LYPD6B: variants seen among roughly 807,000 people sequenced by gnomAD.
LYPD6B encodes LY6/PLAUR domain containing 6B, also known as ly6/PLAUR domain-containing protein 6B.
LYPD6B carries 17 observed loss-of-function variants against 22.8 expected under a neutral mutation model. The ratio of observed to expected loss-of-function variants is 0.75; its 90% CI spans 0.51 to 1.12. The LOEUF (loss-of-function observed/expected upper bound fraction) is 1.12, where lower values mean the gene tolerates loss of function less well. Ranked by LOEUF, LYPD6B falls within the 50% of genes most tolerant of loss-of-function variation. The probability of loss-of-function intolerance (pLI) is 0.00; values close to 1 mark genes in which losing one functional copy is unlikely to be tolerated. For synonymous variants in LYPD6B, 106 were observed against 91.6 expected (o/e 1.16, Z -0.90); for missense variants, 221 against 258.3 (o/e 0.86, Z 0.99).
At chr2:149,201,606 AATAGAT>A (rs576245757) in intron 3 of LYPD6B, among the ~76,000 whole-genome samples, 318 of 152,334 alleles carry the variant, frequency 2.1e-3, no homozygotes, top group African/African-American at 7.4e-3. Flanking sequence ...CACACTGAAG[AATAGAT>A]ATAGATAGAT....
At chr2:149,143,797 A>G (rs1688846046) in intron 2 of LYPD6B, 1 of 152,236 alleles carries the variant, frequency 6.6e-6, no homozygotes, top group Non-Finnish European at 1.5e-5. Flanking sequence ...TTTTAATATT[A>G]CTTTTAAAAG....
intron 2 of LYPD6B, among the ~76,000 whole-genome samples, chr2:149,132,497 GC>G (rs1688092842): frequency 6.6e-6 from 1 of 151,874 alleles, no homozygotes; most frequent in Non-Finnish European, 1.5e-5. Context: ...TGGGTGTGGG[GC>G]CAAAGCCCAA....
At chr2:149,163,858 G>A (rs1690250224) in intron 3 of LYPD6B, among the ~76,000 whole-genome samples, 2 of 152,196 alleles carry the variant, frequency 1.3e-5, no homozygotes, top group Non-Finnish European at 2.9e-5. Context: ...ACAACAGGCA[G>A]ATTAACAGGA....
chr2:149,107,276 T>C (rs1377738182), intron 1 of LYPD6B, among the ~76,000 whole-genome samples: 2 of 152,198 alleles, frequency 1.3e-5, no homozygotes, highest in African/African-American at 2.4e-5. Context: ...ACAGGTAGTA[T>C]ACACAGTGTG....
At chr2:149,142,344 TG>T (rs1688747746) in intron 2 of LYPD6B, 1 of 152,204 alleles carries the variant, frequency 6.6e-6, no homozygotes, top group Non-Finnish European at 1.5e-5. Flanking sequence ...AGAAGACCCA[TG>T]GAGCACCCAT....
intron 2 of LYPD6B, among the ~76,000 whole-genome samples, chr2:149,149,758 C>A (rs533589179): frequency 6.6e-6 from 1 of 152,128 alleles, no homozygotes; most frequent in Admixed American, 6.5e-5. Flanking sequence ...TCCTTCATAT[C>A]GTCTATCCTC....
At position 149,160,804 on chromosome 2, in the gene LYPD6B, A is replaced by G. The variant is rs371849919; in HGVS notation, c.46A>G (p.Arg16Gly). 6 of 1,556,166 alleles carry G rather than the reference A, an allele frequency of 3.9e-6. No homozygotes were observed. The African/African-American group carries it at 6.8e-5, about 18-fold the overall frequency. ...LSANLFTVPERSLTTTFSFSR... is the reference protein window; with the variant it reads ...LSANLFTVPEGSLTTTFSFSR... ...TGCAAACCTTTTCACTGTTCCAGAG[A>G]GGAGCCTGACAACCACATTCTCCTT... Residue 16 changes from arginine to glycine, a missense_variant, in exon 3 of 7, where the codon AGG becomes GGG. Arg to Gly is a moderately radical substitution (Grantham distance 125). Transcript: ENST00000409642.
At position 149,182,646 on chromosome 2, in the gene LYPD6B, T is replaced by G. The variant is rs532818274; in HGVS notation, c.77+21811T>G. ...TGAGTCCAGCTGTCAGTCCCTTGAA[T>G]CAGCACTGCCTCTCTAAAGCTCTGT... On this transcript the variant is annotated intron_variant, in intron 3 of 6. Coordinates refer to ENST00000409642, the MANE Select transcript of LYPD6B (RefSeq NM_177964.5). 2.0e-5 allele frequency among the ~76,000 whole-genome samples: 3 copies of G among 152,290 alleles called. No individual in the cohort carries two copies. In the South Asian group the frequency reaches 6.2e-4, roughly 32 times the overall value.
At chr2:149,129,783 G>C (rs1308916441) in intron 1 of LYPD6B, among the ~76,000 whole-genome samples, 3 of 152,234 alleles carry the variant, frequency 2.0e-5, no homozygotes, top group Admixed American at 2.0e-4. Flanking sequence ...GCAGAGCAGA[G>C]AGCCTGTGTA....
intron 1 of LYPD6B, among the ~76,000 whole-genome samples, chr2:149,050,433 A>C (rs926428839): frequency 4.6e-5 from 7 of 152,198 alleles, no homozygotes; most frequent in African/African-American, 1.7e-4. Context: ...CAGATATTAC[A>C]TCATTGGTAT....
At chr2:149,109,109 T>A (rs1346605904) in intron 1 of LYPD6B, among the ~76,000 whole-genome samples, 1 of 152,194 alleles carries the variant, frequency 6.6e-6, no homozygotes, top group African/African-American at 2.4e-5. Context: ...TATTACGCAT[T>A]TATCTATGTG....
chr2:149,058,112 G>A (rs751239048), intron 1 of LYPD6B, among the ~76,000 whole-genome samples: 1 of 152,180 alleles, frequency 6.6e-6, no homozygotes, highest in African/African-American at 2.4e-5. Flanking sequence ...CCTTGGATGA[G>A]TTACCTTGGA....
intron 1 of LYPD6B, among the ~76,000 whole-genome samples, chr2:149,041,318 C>G (rs1481871951): frequency 6.6e-6 from 1 of 152,204 alleles, no homozygotes; most frequent in Non-Finnish European, 1.5e-5. Flanking sequence ...AGAGCTCCAT[C>G]ATGCCTTCAC....
chr2:149,196,148 A>G (rs1053078339), intron 3 of LYPD6B, among the ~76,000 whole-genome samples: 2 of 152,232 alleles, frequency 1.3e-5, no homozygotes, highest in African/African-American at 4.8e-5. Context: ...ATCTTTATAT[A>G]TGTACATTTC....
chr2:149,124,590 C>G (rs1687579523), intron 1 of LYPD6B, among the ~76,000 whole-genome samples: 1 of 152,260 alleles, frequency 6.6e-6, no homozygotes, highest in Admixed American at 6.5e-5. Context: ...GTTGCATTAG[C>G]CGGGCAACTA....
intron 3 of LYPD6B, among the ~76,000 whole-genome samples, chr2:149,162,358 T>A (rs934891868): frequency 3.3e-5 from 5 of 152,182 alleles, no homozygotes; most frequent in Non-Finnish European, 7.3e-5. Flanking sequence ...TTGAGGAAAC[T>A]GAGGCTTACC....
At chr2:149,191,076 C>T (rs549146852) in intron 3 of LYPD6B, among the ~76,000 whole-genome samples, 2 of 152,110 alleles carry the variant, frequency 1.3e-5, no homozygotes, top group South Asian at 4.2e-4. Context: ...ACAATAGACC[C>T]CAGCTACCCA....
rs779946493 is a variant in LYPD6B at position 149,214,500 on chromosome 2, CT to C, written c.460-45del. The C allele has an allele frequency of 3.8e-6, 6 of 1,585,598 alleles. No individual in the cohort carries two copies. The East Asian group carries it at 1.1e-4, about 30-fold the overall frequency. The stretch of plus-strand genomic sequence containing the variant: ...TATCTTTCTTTCTTTTGCCCCTTCC[CT>C]CTTCTATTATTCACTGTCATTTCCT... On this transcript the variant is annotated intron_variant, in intron 6 of 6. Transcript: ENST00000409642.
chr2:149,156,939 G>A (rs1689741782), intron 2 of LYPD6B, among the ~76,000 whole-genome samples: 1 of 152,112 alleles, frequency 6.6e-6, no homozygotes, highest in Non-Finnish European at 1.5e-5. Flanking sequence ...GGGAAGTGGG[G>A]GTGTGGTTGT....
Sources: gnomAD v4.1 joint callset for allele counts (sites outside exome capture counted in the v4.1 genomes callset) on GRCh38, gnomAD v4.1.1 for gene constraint, MANE v1.5 for transcripts, NCBI Gene and HGNC (gene_info 2026-07-23, HGNC 2026-07-21) for gene names.